The following USP33 variants were observed in gnomAD, a reference collection of about 807,000 sequenced individuals.
The protein encoded by USP33 is ubiquitin specific peptidase 33.
Under a neutral mutation model 124.2 loss-of-function variants are expected in USP33, and 46 were observed. The observed-to-expected ratio is 0.37, with a 90% CI of 0.29 to 0.47. USP33 has a LOEUF of 0.47. Ranked by LOEUF, USP33 falls within the 20% of genes least tolerant of loss-of-function variation. The pLI is 0.99. For missense variants in USP33, 851 were observed against 1,070.6 expected, an observed-to-expected ratio of 0.79 and a Z score of 2.86; for synonymous variants, 350 against 352.3, an observed-to-expected ratio of 0.99 and a Z score of 0.07.
At chr1:77,708,089 T>C (rs893038452) in intron 21 of USP33, among the ~76,000 whole-genome samples, 1 of 152,198 alleles carries the variant, frequency 6.6e-6, no homozygotes, top group African/African-American at 2.4e-5. Context: ...AAGCATGATA[T>C]TGTTGCTACT....
chr1:77,719,982 C>A (rs935077212), intron 15 of USP33, among the ~76,000 whole-genome samples: 1 of 150,468 alleles, frequency 6.6e-6, no homozygotes, highest in Admixed American at 6.6e-5. Flanking sequence ...GGCAACATGA[C>A]AAAACCCCAT....
intron 1 of USP33, among the ~76,000 whole-genome samples, chr1:77,752,868 A>T (rs1268798954): frequency 6.6e-6 from 1 of 152,096 alleles, no homozygotes; most frequent in African/African-American, 2.4e-5. Context: ...ACCTGAGGTC[A>T]GGAGTTCATT....
In USP33 at chr1:77,728,758, T is replaced by C. The variant is rs369765082; in HGVS notation, c.718-46A>G. The C allele has an allele frequency of 6.2e-5, 97 of 1,553,022 alleles. No homozygotes were observed. The African/African-American group carries it at 1.2e-3, about 19-fold the overall frequency. On this transcript the variant is annotated intron_variant, in intron 9 of 23. Coordinates refer to ENST00000370794, the MANE Select transcript of USP33 (RefSeq NM_201624.3). The stretch of plus-strand genomic sequence containing the variant: ...TGTTAACCACTTCATTACATGTGTA[T>C]ATAGAAACGTAAGGGAAAATATACA...
chr1:77,736,134 T>C lies in USP33; in HGVS notation c.376A>G (p.Thr126Ala), dbSNP rs774765397. ...VQDFKIPSNT[T>A]LKTPLVAVFD... is the part of the protein sequence containing the mutation. The stretch of plus-strand genomic sequence containing the variant: ...ACGGCAACCAGAGGAGTTTTTAATG[T>C]TGTATTACTGGGTATTTTAAAATCC... The change falls in exon 6 of 24, where the codon ACA (threonine) becomes GCA (alanine). Residue 126 changes from threonine (T) to alanine (A), a missense_variant. Physicochemically the swap from Thr to Ala is moderately conservative, Grantham distance 58. Coordinates refer to ENST00000370794, the MANE Select transcript of USP33 (RefSeq NM_201624.3). 5.6e-6 allele frequency: 9 copies of C among 1,612,498 alleles called. No individual in the cohort carries two copies. The African/African-American group carries it at 1.1e-4, about 19-fold the overall frequency.
Position 77,739,365 on chromosome 1 carries a change from T to C in USP33, c.251A>G (p.Tyr84Cys). The C allele has an allele frequency of 1.2e-6, 2 of 1,613,880 alleles. No homozygotes were observed. The highest frequency in any genetic ancestry group is 2.2e-5 in the East Asian group (1 of 44,832). The change falls in exon 5 of 24, where the codon TAT (tyrosine) becomes TGT (cysteine). Residue 84 changes from tyrosine to cysteine, a missense_variant. This residue lies in a region of USP33 where 221 missense variants were observed against 302.9 expected (regional missense o/e 0.73). Coordinates refer to ENST00000370794, the MANE Select transcript of USP33 (RefSeq NM_201624.3). Reference sequence around the variant, plus strand: ...CAAAAATACTTCTTTGCTGCAAGCATAACACCATACTCGAAGAGTGGTAAG... The same window carrying C: ...CAAAAATACTTCTTTGCTGCAAGCACAACACCATACTCGAAGAGTGGTAAG... The part of the protein sequence containing the change: ...VNLTTLRVWC[Y>C]ACSKEVFLDR...
chr1:77,755,604 G>T (rs1432831824), intron 1 of USP33, among the ~76,000 whole-genome samples: 1 of 152,222 alleles, frequency 6.6e-6, no homozygotes, highest in Non-Finnish European at 1.5e-5. Flanking sequence ...AGGCTGAGTG[G>T]TGAGAACTGC....
intron 6 of USP33, 36 bp from the exon 7 acceptor site, chr1:77,734,452 A>T (rs1678188284): frequency 7.5e-7 from 1 of 1,341,398 alleles, no homozygotes; most frequent in South Asian, 1.3e-5. Flanking sequence ...TCATCATTCA[A>T]TAATGCAAAA....
At chr1:77,715,242 T>C (rs1209673870) in intron 18 of USP33, among the ~76,000 whole-genome samples, 1 of 152,194 alleles carries the variant, frequency 6.6e-6, no homozygotes, top group Non-Finnish European at 1.5e-5. Context: ...CGTCTCACTC[T>C]GTTGCCGAGG....
At chr1:77,735,423 C>T (rs1285648842) in intron 6 of USP33, among the ~76,000 whole-genome samples, 1 of 151,950 alleles carries the variant, frequency 6.6e-6, no homozygotes. Flanking sequence ...GATAAGTATC[C>T]AGTAAAATTA....
intron 22 of USP33, among the ~76,000 whole-genome samples, chr1:77,698,501 T>G (rs1673649893): frequency 7.7e-6 from 1 of 130,250 alleles, no homozygotes; most frequent in South Asian, 2.3e-4. Flanking sequence ...AAATGTTTTG[T>G]TTTTTTTTTT....
intron 1 of USP33, among the ~76,000 whole-genome samples, chr1:77,752,075 GATAATC>G (rs1330778761): frequency 2.6e-5 from 4 of 151,900 alleles, no homozygotes; most frequent in African/African-American, 9.7e-5. Flanking sequence ...CCTAATAGAA[GATAATC>G]AATCAGCTAT....
At chr1:77,720,295 G>C in intron 15 of USP33, 3 of 982,944 alleles carry the variant, frequency 3.1e-6, no homozygotes, top group Non-Finnish European at 3.6e-6. Flanking sequence ...TATGGAGGTA[G>C]ATGCAAGGTT....
chr1:77,719,856 GAAAAA>G (rs554573074), intron 15 of USP33, among the ~76,000 whole-genome samples: 3 of 100,226 alleles, frequency 3.0e-5, no homozygotes, highest in African/African-American at 6.7e-5. Context: ...TCCCTCTCAA[GAAAAA>G]AAAAAAAAAA....
chr1:77,718,646 G>C lies in USP33; in HGVS notation c.1692-5C>G, dbSNP rs1676189693. The C allele has an allele frequency of 6.3e-7, 1 of 1,599,956 alleles. No homozygotes were observed. The highest frequency in any genetic ancestry group is 8.5e-7 in the Non-Finnish European group (1 of 1,171,782). On this transcript the variant is annotated splice_region_variant and splice_polypyrimidine_tract_variant and intron_variant, in intron 15 of 23. Coordinates refer to ENST00000370794, the MANE Select transcript of USP33 (RefSeq NM_201624.3). ...AACTTCACTCCATTTCTCAACCTAA[G>C]GGGAGAAAAGAGAAAATCAATTAGT...
chr1:77,708,831 C>T (rs1404313564), intron 21 of USP33, among the ~76,000 whole-genome samples: 1 of 151,992 alleles, frequency 6.6e-6, no homozygotes, highest in African/African-American at 2.4e-5. Context: ...TATTCTGGCA[C>T]ATAATTTTGA....
intron 19 of USP33, among the ~76,000 whole-genome samples, chr1:77,714,150 A>G (rs1013978825): frequency 6.6e-6 from 1 of 152,152 alleles, no homozygotes; most frequent in Non-Finnish European, 1.5e-5. Flanking sequence ...TCCCAGATAC[A>G]TTTCCATACT....
chr1:77,725,073 T>C (rs1304413031), intron 11 of USP33, among the ~76,000 whole-genome samples: 1 of 151,892 alleles, frequency 6.6e-6, no homozygotes, highest in East Asian at 1.9e-4. Flanking sequence ...CATTACTTGG[T>C]AGTAAAAGGA....
At chr1:77,757,796 T>C (rs946827603) in intron 1 of USP33, among the ~76,000 whole-genome samples, 2 of 152,188 alleles carry the variant, frequency 1.3e-5, no homozygotes, top group African/African-American at 2.4e-5. Flanking sequence ...CCTTACACAA[T>C]CTTGAAATGT....
chr1:77,746,928 C>T (rs1048316489), intron 1 of USP33, among the ~76,000 whole-genome samples: 2 of 152,278 alleles, frequency 1.3e-5, no homozygotes, highest in East Asian at 1.9e-4. Context: ...CTTTAATTTA[C>T]GTTATCCTGA....
Sources: gnomAD v4.1 joint callset for allele counts (sites outside exome capture counted in the v4.1 genomes callset) on GRCh38, gnomAD v4.1.1 for gene constraint, gnomAD v4.1.1 regional missense constraint, MANE v1.5 for transcripts, NCBI Gene and HGNC (gene_info 2026-07-23, HGNC 2026-07-21) for gene names.